Variants in TEX26 observed in about 807,000 individuals in gnomAD.
The protein encoded by TEX26 is testis-expressed protein 26.
Under a neutral mutation model 35.3 loss-of-function variants are expected in TEX26, and 34 were observed. The ratio of observed to expected loss-of-function variants is 0.96; its 90% CI spans 0.73 to 1.28. The LOEUF (loss-of-function observed/expected upper bound fraction) is 1.28, where lower values mean the gene tolerates loss of function less well. Ranked by LOEUF, TEX26 falls within the 50% of genes most tolerant of loss-of-function variation. The pLI, the probability that TEX26 is intolerant of heterozygous loss-of-function variation, is 0.00. For synonymous variants in TEX26, 136 were observed against 111.8 expected (o/e 1.22, Z -1.36); for missense variants, 371 against 330.1 (o/e 1.12, Z -0.96).
intron 1 of TEX26, chr13:30,936,817 A>G: frequency 3.0e-6 from 3 of 985,446 alleles, no homozygotes; most frequent in Non-Finnish European, 3.6e-6. Context: ...ACAAAAGGAC[A>G]TTGAGATACT....
chr13:30,974,806 AC>A, intron 6 of TEX26, 39 bp from the exon 7 acceptor site: 1 of 1,506,310 alleles, frequency 6.6e-7, no homozygotes, highest in Non-Finnish European at 8.9e-7. Context: ...TTAAATACTT[AC>A]GTGAAAATTT....
intron 4 of TEX26, among the ~76,000 whole-genome samples, chr13:30,958,493 G>A (rs1954219995): frequency 6.6e-6 from 1 of 152,122 alleles, no homozygotes; most frequent in Admixed American, 6.5e-5. Context: ...AGTGACTGCT[G>A]AGGAAGGCTG....
intron 4 of TEX26, 43 bp downstream of exon 4, chr13:30,957,072 G>A: frequency 6.3e-7 from 1 of 1,592,326 alleles, no homozygotes; most frequent in Non-Finnish European, 8.6e-7. Context: ...TCATGTGGTA[G>A]GCCCTGGAGT....
chr13:30,941,164 G>A (rs61580577), intron 2 of TEX26, among the ~76,000 whole-genome samples: 34,517 of 152,000 alleles, frequency 0.23, 4,060 homozygotes, highest in East Asian at 0.44. Flanking sequence ...CTGTTCTGAG[G>A]ACACAAAGCA....
chr13:30,971,956 T>C (rs2138355179), intron 6 of TEX26, among the ~76,000 whole-genome samples: 1 of 152,362 alleles, frequency 6.6e-6, no homozygotes, highest in East Asian at 1.9e-4. Flanking sequence ...TCCTAGCCTG[T>C]GATTCAATAT....
At chr13:30,957,672 G>A (rs7322127) in intron 4 of TEX26, among the ~76,000 whole-genome samples, 45,612 of 152,022 alleles carry the variant, frequency 0.3, 7,702 homozygotes, top group Middle Eastern at 0.39. Flanking sequence ...CAGGGCTGTG[G>A]CAGTGCGGAT....
intron 6 of TEX26, among the ~76,000 whole-genome samples, chr13:30,974,269 G>A (rs1954813718): frequency 6.6e-6 from 1 of 151,422 alleles, no homozygotes; most frequent in African/African-American, 2.4e-5. Flanking sequence ...AGGTCAAACA[G>A]TTACCATTCA....
At chr13:30,953,241 A>G (rs1354485784) in intron 3 of TEX26, among the ~76,000 whole-genome samples, 3 of 152,086 alleles carry the variant, frequency 2.0e-5, no homozygotes, top group Non-Finnish European at 4.4e-5. Context: ...ATGTCCGTGG[A>G]TTACCTTTTG....
At chr13:30,964,239 G>C (rs967196663) in intron 4 of TEX26, among the ~76,000 whole-genome samples, 2 of 152,124 alleles carry the variant, frequency 1.3e-5, no homozygotes, top group African/African-American at 2.4e-5. Flanking sequence ...CTAAGTGCCT[G>C]GGGCTCACTT....
rs535555337 is a variant in TEX26, at chr13:30,939,072, C to G, written c.62-622C>G. Among the ~76,000 whole-genome samples the G allele has an allele frequency of 7.2e-5, 11 of 152,358 alleles. No homozygotes were observed. The South Asian group carries it at 2.3e-3, about 32-fold the overall frequency. ...GTGACAGATATAAGAAAAAGACACT[C>G]TGTGTCGTATGAGCCCACTTTTGTG... On this transcript the variant is annotated intron_variant, in intron 1 of 6. Coordinates refer to ENST00000380473, the MANE Select transcript of TEX26 (RefSeq NM_152325.3).
At chr13:30,960,501 T>G (rs1954295921) in intron 4 of TEX26, among the ~76,000 whole-genome samples, 1 of 152,178 alleles carries the variant, frequency 6.6e-6, no homozygotes, top group Admixed American at 6.5e-5. Flanking sequence ...CACCTCAGCC[T>G]CCCAAAGTGC....
chr13:30,970,348 C>T (rs1402011838), intron 6 of TEX26, among the ~76,000 whole-genome samples: 1 of 152,160 alleles, frequency 6.6e-6, no homozygotes, highest in Admixed American at 6.5e-5. Flanking sequence ...CAGGAGTATA[C>T]ATTTTCTGTT....
intron 2 of TEX26, among the ~76,000 whole-genome samples, chr13:30,943,634 A>C (rs950234732): frequency 6.6e-6 from 1 of 151,972 alleles, no homozygotes; most frequent in South Asian, 2.1e-4. Flanking sequence ...TTTAAGGTAT[A>C]TTCCTTAGAC....
At position 30,952,806 on chromosome 13, in the gene TEX26, A is replaced by G. The variant is rs376300171; in HGVS notation, c.293A>G (p.His98Arg). The change falls in exon 3 of 7, where the codon CAC (histidine) becomes CGC (arginine). Residue 98 changes from histidine to arginine, a missense_variant. Coordinates refer to ENST00000380473, the MANE Select transcript of TEX26 (RefSeq NM_152325.3). The part of the protein sequence containing the change: ...KTETSRGIKS[H>R]KSHLNEDIFL... ...GAGACTTCAAGAGGAATCAAGAGCC[A>G]CAAATCTCATCTCAATGAAGTAAGA... 1.2e-6 allele frequency: 2 copies of G among 1,612,894 alleles called. No homozygotes were observed. The highest frequency in any genetic ancestry group is 2.7e-5 in the African/African-American group (2 of 74,908).
chr13:30,948,304 G>A (rs1953792159), intron 2 of TEX26, among the ~76,000 whole-genome samples: 1 of 152,140 alleles, frequency 6.6e-6, no homozygotes, highest in South Asian at 2.1e-4. Flanking sequence ...AGATCCCTGA[G>A]GAATCGCCAC....
intron 4 of TEX26, among the ~76,000 whole-genome samples, 162 bp downstream of exon 4, chr13:30,957,191 C>A (rs1369702695): frequency 4.6e-5 from 7 of 152,032 alleles, no homozygotes; most frequent in Non-Finnish European, 1.0e-4. Flanking sequence ...AAAAGGTGCA[C>A]CTTGTGGGAA....
At chr13:30,939,654 C>A in intron 1 of TEX26, 40 bp from the exon 2 acceptor site, 2 of 1,476,548 alleles carry the variant, frequency 1.4e-6, no homozygotes, top group Non-Finnish European at 9.4e-7. Flanking sequence ...TCAAAATATT[C>A]TGGTTTGCCA....
chr13:30,952,799 A>G lies in TEX26; in HGVS notation c.286A>G (p.Lys96Glu), dbSNP rs1281556868. 2 of 1,613,112 alleles carry G rather than the reference A, an allele frequency of 1.2e-6. No homozygotes were observed. The highest frequency in any genetic ancestry group is 1.7e-6 in the Non-Finnish European group (2 of 1,179,554). ...CAAAACTGAGACTTCAAGAGGAATCAAGAGCCACAAATCTCATCTCAATGA... is the reference window on the plus strand; with the variant it reads ...CAAAACTGAGACTTCAAGAGGAATCGAGAGCCACAAATCTCATCTCAATGA... ...LIKTETSRGIKSHKSHLNEDI... is the reference protein window; with the variant it reads ...LIKTETSRGIESHKSHLNEDI... The change falls in exon 3 of 7, where the codon AAG (lysine) becomes GAG (glutamate). Residue 96 changes from lysine to glutamate, a missense_variant. Lys to Glu is a moderately conservative substitution (Grantham distance 56). Transcript: ENST00000380473.
At chr13:30,959,355 C>T (rs1295462397) in intron 4 of TEX26, among the ~76,000 whole-genome samples, 1 of 152,148 alleles carries the variant, frequency 6.6e-6, no homozygotes, top group East Asian at 1.9e-4. Flanking sequence ...TTTGCTTCTA[C>T]TGCTCCTCTT....
Sources: allele counts gnomAD v4.1 joint callset (sites outside exome capture counted in the v4.1 genomes callset), GRCh38; gene constraint gnomAD v4.1.1; transcripts MANE v1.5; gene names NCBI Gene and HGNC (gene_info 2026-07-23, HGNC 2026-07-21).